CACNA2D3: variants seen among roughly 807,000 people sequenced by gnomAD.
The protein encoded by CACNA2D3 is voltage-dependent calcium channel subunit alpha-2/delta-3.
CACNA2D3 carries 60 observed loss-of-function variants against 160.6 expected under a neutral mutation model. The observed-to-expected ratio is 0.37, with a 90% CI of 0.30 to 0.46. The LOEUF is 0.46. Ranked by LOEUF, CACNA2D3 falls within the 20% of genes least tolerant of loss-of-function variation. The pLI is 1.00. For missense variants in CACNA2D3, 1,205 were observed against 1,365.0 expected, an observed-to-expected ratio of 0.88 and a Z score of 1.85; for synonymous variants, 558 against 492.9, an observed-to-expected ratio of 1.13 and a Z score of -1.75.
At chr3:54,923,678 G>C (rs1301913411) in intron 27 of CACNA2D3, among the ~76,000 whole-genome samples, 2 of 152,174 alleles carry the variant, frequency 1.3e-5, no homozygotes, top group South Asian at 4.1e-4. Context: ...AATGAATCAT[G>C]CTGAGAGCTA....
intron 27 of CACNA2D3, among the ~76,000 whole-genome samples, chr3:54,906,346 AGG>A (rs1700447817): frequency 6.6e-6 from 1 of 152,012 alleles, no homozygotes; most frequent in Non-Finnish European, 1.5e-5. Flanking sequence ...CAAAGGGGAG[AGG>A]AAGTGCGCAG....
intron 11 of CACNA2D3, among the ~76,000 whole-genome samples, chr3:54,691,430 T>A (rs1700568011): frequency 6.6e-6 from 1 of 152,154 alleles, no homozygotes; most frequent in African/African-American, 2.4e-5. Context: ...TTGTGGTGAC[T>A]CACTTGCTTA....
At chr3:54,727,825 T>A (rs754625694) in intron 11 of CACNA2D3, among the ~76,000 whole-genome samples, 1 of 152,076 alleles carries the variant, frequency 6.6e-6, no homozygotes, top group East Asian at 1.9e-4. Context: ...GGTTGATGGG[T>A]GTAGCAAACT....
chr3:54,567,211 G>T (rs1702422434), intron 6 of CACNA2D3, among the ~76,000 whole-genome samples: 1 of 152,202 alleles, frequency 6.6e-6, no homozygotes, highest in Non-Finnish European at 1.5e-5. Flanking sequence ...CTTCTCAGAA[G>T]ACATTTTACA....
intron 11 of CACNA2D3, among the ~76,000 whole-genome samples, chr3:54,709,450 C>G (rs1395871564): frequency 1.3e-5 from 2 of 151,624 alleles, no homozygotes; most frequent in African/African-American, 2.4e-5. Flanking sequence ...AAGCCTTAGC[C>G]TCCTGGGTTC....
intron 2 of CACNA2D3, among the ~76,000 whole-genome samples, chr3:54,153,200 C>T (rs1700183667): frequency 6.6e-6 from 1 of 151,942 alleles, no homozygotes; most frequent in African/African-American, 2.4e-5. Flanking sequence ...GTGTCCACGT[C>T]TGCAAAAAAA....
intron 27 of CACNA2D3, among the ~76,000 whole-genome samples, chr3:54,947,013 A>G (rs2107003593): frequency 6.6e-6 from 1 of 152,318 alleles, no homozygotes; most frequent in East Asian, 1.9e-4. Flanking sequence ...GCCTTAGACA[A>G]GTAATTGGGT....
At position 54,838,232 on chromosome 3, in the gene CACNA2D3, C is replaced by T. The variant is rs149091444; in HGVS notation, c.1471-336C>T. 2.4e-3 allele frequency among the ~76,000 whole-genome samples: 373 copies of T among 152,308 alleles called. 1 individual carries two copies. Among genetic ancestry groups the T allele is most frequent in the Middle Eastern group, 6.8e-3 (2 of 294 alleles). The stretch of plus-strand genomic sequence containing the variant: ...AGCTTTCATAAGAGAAACTGGTGAA[C>T]GTTTAGAGCCCTTAGCTGCTGAAAC... On this transcript the variant is annotated intron_variant, in intron 15 of 37. Transcript: ENST00000474759.
intron 2 of CACNA2D3, among the ~76,000 whole-genome samples, chr3:54,139,069 A>G (rs1184396275): frequency 3.9e-5 from 6 of 152,194 alleles, no homozygotes; most frequent in African/African-American, 1.4e-4. Context: ...GATCTGGGGC[A>G]GCTCGCTGCT....
intron 3 of CACNA2D3, among the ~76,000 whole-genome samples, chr3:54,367,257 T>C (rs1338699151): frequency 6.6e-6 from 1 of 152,194 alleles, no homozygotes; most frequent in East Asian, 1.9e-4. Context: ...CTAGACTCAC[T>C]TGATCCTCCA....
intron 18 of CACNA2D3, among the ~76,000 whole-genome samples, chr3:54,872,486 G>A (rs565053207): frequency 9.2e-5 from 14 of 152,188 alleles, no homozygotes; most frequent in Non-Finnish European, 1.3e-4. Flanking sequence ...TTGAGTTGGC[G>A]TTGTTTCCAT....
chr3:54,769,343 G>A (rs912003104), intron 13 of CACNA2D3, among the ~76,000 whole-genome samples: 7 of 152,098 alleles, frequency 4.6e-5, no homozygotes, highest in Non-Finnish European at 1.0e-4. Flanking sequence ...CGAGCACTTG[G>A]CATTAGGAAT....
intron 13 of CACNA2D3, among the ~76,000 whole-genome samples, chr3:54,796,221 C>G (rs1317145023): frequency 6.6e-6 from 1 of 151,980 alleles, no homozygotes; most frequent in Non-Finnish European, 1.5e-5. Flanking sequence ...GACTATTTGA[C>G]TTGATTATAC....
intron 9 of CACNA2D3, among the ~76,000 whole-genome samples, chr3:54,612,362 T>A (rs1698763267): frequency 6.6e-6 from 1 of 152,180 alleles, no homozygotes; most frequent in Non-Finnish European, 1.5e-5. Context: ...TCATTTTTTT[T>A]AGACTCATAA....
chr3:54,186,029 C>T (rs1700873901), intron 2 of CACNA2D3, among the ~76,000 whole-genome samples: 1 of 152,178 alleles, frequency 6.6e-6, no homozygotes, highest in South Asian at 2.1e-4. Context: ...TGTTCCAGCC[C>T]TAAGCAACTG....
chr3:54,491,970 C>T (rs575158288), intron 4 of CACNA2D3, among the ~76,000 whole-genome samples: 1 of 152,334 alleles, frequency 6.6e-6, no homozygotes, highest in African/African-American at 2.4e-5. Context: ...CAGGCAGTCA[C>T]TGCCAGCCCA....
chr3:54,148,849 C>T (rs1193332289), intron 2 of CACNA2D3, among the ~76,000 whole-genome samples: 1 of 151,700 alleles, frequency 6.6e-6, no homozygotes, highest in Non-Finnish European at 1.5e-5. Flanking sequence ...TGGTGGTGGG[C>T]ATCTGTAATC....
intron 27 of CACNA2D3, among the ~76,000 whole-genome samples, chr3:54,921,286 C>T (rs1415994870): frequency 6.6e-6 from 1 of 152,164 alleles, no homozygotes; most frequent in African/African-American, 2.4e-5. Context: ...TGTGCCTCTG[C>T]TTGCTCATCT....
At chr3:54,161,915 G>A (rs1487066423) in intron 2 of CACNA2D3, among the ~76,000 whole-genome samples, 1 of 152,160 alleles carries the variant, frequency 6.6e-6, no homozygotes, top group Non-Finnish European at 1.5e-5. Context: ...CCAGCTGTAG[G>A]TGCCAAGGTT....
Sources: gnomAD v4.1 joint callset for allele counts (sites outside exome capture counted in the v4.1 genomes callset) on GRCh38, gnomAD v4.1.1 for gene constraint, MANE v1.5 for transcripts, NCBI Gene and HGNC (gene_info 2026-07-23, HGNC 2026-07-21) for gene names.